OLA1: variants seen among roughly 807,000 people sequenced by gnomAD.
The protein encoded by OLA1 is obg-like ATPase 1.
OLA1 carries 14 observed loss-of-function variants against 48.4 expected under a neutral mutation model. The observed-to-expected ratio is 0.29, with a 90% CI of 0.19 to 0.45. The LOEUF is 0.45. Ranked by LOEUF, OLA1 falls within the 20% of genes least tolerant of loss-of-function variation. The pLI, the probability that OLA1 is intolerant of heterozygous loss-of-function variation, is 1.00. For synonymous variants in OLA1, 127 were observed against 150.4 expected, an observed-to-expected ratio of 0.84 and a Z score of 1.14; for missense variants, 325 against 467.1, an observed-to-expected ratio of 0.70 and a Z score of 2.80.
chr2:174,170,889 A>G (rs1574525988), intron 4 of OLA1, among the ~76,000 whole-genome samples: 1 of 152,230 alleles, frequency 6.6e-6, no homozygotes, highest in Non-Finnish European at 1.5e-5. Context: ...GTGTAACAGC[A>G]TAAGACTGTC....
chr2:174,244,538 A>G (rs1574578379), intron 2 of OLA1, among the ~76,000 whole-genome samples: 1 of 152,202 alleles, frequency 6.6e-6, no homozygotes, highest in East Asian at 1.9e-4. Context: ...ATGGTGTAGT[A>G]TAATACCTAA....
intron 4 of OLA1, among the ~76,000 whole-genome samples, chr2:174,142,996 A>G (rs1338066880): frequency 6.6e-6 from 1 of 152,208 alleles, no homozygotes; most frequent in Non-Finnish European, 1.5e-5. Context: ...CAAAAAAATC[A>G]TGAGAGTTTG....
At chr2:174,118,782 G>A (rs4368295) in intron 7 of OLA1, among the ~76,000 whole-genome samples, 82,063 of 151,910 alleles carry the variant, frequency 0.54, 22,819 homozygotes, top group East Asian at 0.95. Flanking sequence ...TCACTTTCTT[G>A]AATTCAGTGA....
chr2:174,187,946 A>C (rs928540392), intron 4 of OLA1, among the ~76,000 whole-genome samples: 1 of 152,166 alleles, frequency 6.6e-6, no homozygotes, highest in Non-Finnish European at 1.5e-5. Flanking sequence ...CAGTGAGAAA[A>C]AATGATGCCT....
chr2:174,198,224 G>C lies in OLA1; in HGVS notation c.373+24809C>G, dbSNP rs915402715. Among the ~76,000 whole-genome samples, 6 of 152,064 alleles carry C rather than the reference G, an allele frequency of 3.9e-5. No individual in the cohort carries two copies. In the South Asian group the frequency reaches 1.2e-3, roughly 32 times the overall value. On this transcript the variant is annotated intron_variant, in intron 4 of 10. Coordinates refer to ENST00000284719, the MANE Select transcript of OLA1 (RefSeq NM_013341.5). ...GATCCGCCTGCCTTGGCCTCCCAAA[G>C]TGCTGGGATTACAGGCATGAGCCAC...
intron 7 of OLA1, among the ~76,000 whole-genome samples, chr2:174,097,523 C>A (rs558830245): frequency 9.2e-5 from 14 of 152,144 alleles, no homozygotes; most frequent in African/African-American, 3.1e-4. Flanking sequence ...AAACTCCTGG[C>A]TGGGTGCAGT....
rs554927354 is a variant in OLA1 at position 174,243,050 on chromosome 2, C to A, written c.101+3665G>T. On this transcript the variant is annotated intron_variant, in intron 2 of 10. Coordinates refer to ENST00000284719, the MANE Select transcript of OLA1 (RefSeq NM_013341.5). Reference sequence around the variant, plus strand: ...TTCAGATGGAGTCTCGCTCTGTCACCCAGGCTAGAGTGCAGTGGCGCGATC... The same window carrying A: ...TTCAGATGGAGTCTCGCTCTGTCACACAGGCTAGAGTGCAGTGGCGCGATC... 2.0e-5 allele frequency among the ~76,000 whole-genome samples: 3 copies of A among 152,142 alleles called. No homozygotes were observed. In the South Asian group the frequency reaches 6.2e-4, roughly 32 times the overall value.
chr2:174,095,325 GTT>G (rs1205716344), intron 7 of OLA1, among the ~76,000 whole-genome samples: 175 of 77,998 alleles, frequency 2.2e-3, no homozygotes, highest in Middle Eastern at 0.011. Context: ...GTTATTTCCT[GTT>G]TTTTTTTTTT....
At chr2:174,099,054 T>C (rs1322500990) in intron 7 of OLA1, among the ~76,000 whole-genome samples, 1 of 152,204 alleles carries the variant, frequency 6.6e-6, no homozygotes, top group African/African-American at 2.4e-5. Context: ...CTGCAGTTTC[T>C]AAGAAGGGGC....
intron 2 of OLA1, among the ~76,000 whole-genome samples, chr2:174,241,394 A>G (rs1688998647): frequency 6.6e-6 from 1 of 152,118 alleles, no homozygotes; most frequent in African/African-American, 2.4e-5. Context: ...TTCTCTTGTG[A>G]TTTTTTCTTT....
chr2:174,227,267 A>C (rs1176860344), intron 3 of OLA1, among the ~76,000 whole-genome samples: 1 of 152,158 alleles, frequency 6.6e-6, no homozygotes, highest in Admixed American at 6.5e-5. Flanking sequence ...AAAAGGAAAA[A>C]ATAAGATAAA....
Position 174,075,187 on chromosome 2 carries a change from A to G in OLA1, c.*239T>C. Reference sequence around the variant, plus strand: ...AATATGGTTCCTGAAAAGCTTCTACAATTTGGAGTAGGGTCTTAATCACGT... The same window carrying G: ...AATATGGTTCCTGAAAAGCTTCTACGATTTGGAGTAGGGTCTTAATCACGT... On this transcript the variant is annotated 3_prime_UTR_variant, in exon 11 of 11. Coordinates refer to ENST00000284719, the MANE Select transcript of OLA1 (RefSeq NM_013341.5). The G allele has an allele frequency of 2.5e-6, 1 of 401,008 alleles. No homozygotes were observed. Among genetic ancestry groups the G allele is most frequent in the Non-Finnish European group, 4.5e-6 (1 of 222,522 alleles). 24.8% of individuals were successfully genotyped at this position (401,008 alleles called of 1,614,324 possible). A position where few individuals can be genotyped will look rare whatever the true frequency, so the allele number is the denominator to read the frequency against.
At chr2:174,136,341 T>A (rs1686308738) in intron 5 of OLA1, among the ~76,000 whole-genome samples, 1 of 152,228 alleles carries the variant, frequency 6.6e-6, no homozygotes, top group African/African-American at 2.4e-5. Flanking sequence ...CAACTAAGTG[T>A]ATGTGATATT....
chr2:174,214,427 T>C (rs1688316098), intron 4 of OLA1, among the ~76,000 whole-genome samples: 1 of 152,216 alleles, frequency 6.6e-6, no homozygotes, highest in South Asian at 2.1e-4. Context: ...TTTGGTCAGG[T>C]AGGCCTCTTG....
In OLA1 at chr2:174,087,645, T is replaced by C. The variant is rs539356099; in HGVS notation, c.729-5581A>G. 1.1e-4 allele frequency among the ~76,000 whole-genome samples: 16 copies of C among 152,300 alleles called. No individual in the cohort carries two copies. The East Asian group carries it at 1.3e-3, about 13-fold the overall frequency. ...AACAGAGAAATCCCAGTAGTGCTAT[T>C]TGATATTTTGCATAAAATCCAAAAC... On this transcript the variant is annotated intron_variant, in intron 7 of 10. Coordinates refer to ENST00000284719, the MANE Select transcript of OLA1 (RefSeq NM_013341.5).
chr2:174,168,778 TA>T (rs1687228832), intron 4 of OLA1, among the ~76,000 whole-genome samples: 1 of 123,298 alleles, frequency 8.1e-6, no homozygotes, highest in African/African-American at 3.7e-5. Context: ...TCTATCTATC[TA>T]TCTATCTATC....
intron 2 of OLA1, among the ~76,000 whole-genome samples, chr2:174,241,802 A>G (rs1489650104): frequency 6.6e-6 from 1 of 152,086 alleles, no homozygotes; most frequent in Non-Finnish European, 1.5e-5. Context: ...CACCCAGGTA[A>G]TTTTTGTATT....
chr2:174,238,716 T>A (rs2105463744), intron 2 of OLA1, among the ~76,000 whole-genome samples: 1 of 152,212 alleles, frequency 6.6e-6, no homozygotes, highest in East Asian at 1.9e-4. Context: ...TACTTCTAAA[T>A]ATATACCTAA....
chr2:174,191,551 C>A (rs989216023), intron 4 of OLA1, among the ~76,000 whole-genome samples: 1 of 151,952 alleles, frequency 6.6e-6, no homozygotes, highest in African/African-American at 2.4e-5. Context: ...AACTACTGGG[C>A]TGAAGTGATC....
Sources: gnomAD v4.1 joint callset for allele counts (sites outside exome capture counted in the v4.1 genomes callset) on GRCh38, gnomAD v4.1.1 for gene constraint, MANE v1.5 for transcripts, NCBI Gene and HGNC (gene_info 2026-07-23, HGNC 2026-07-21) for gene names.